SCRG1: variants seen among roughly 807,000 people sequenced by gnomAD.
SCRG1 encodes the protein scrapie-responsive protein 1.
In SCRG1, 3 loss-of-function variants were observed where a neutral mutation model predicts 7.7. The ratio of observed to expected loss-of-function variants is 0.39; its 90% CI spans 0.18 to 1.01. The LOEUF is 1.01. SCRG1 is among the 50% of genes least tolerant of loss of function. SCRG1 has a pLI of 0.36. For missense variants in SCRG1, 110 were observed against 117.2 expected, an observed-to-expected ratio of 0.94 and a Z score of 0.28; for synonymous variants, 46 against 41.2, an observed-to-expected ratio of 1.12 and a Z score of -0.44.
upstream of SCRG1, among the ~76,000 whole-genome samples, chr4:173,400,849 T>C (rs552524924): frequency 1.2e-4 from 18 of 152,282 alleles, no homozygotes; most frequent in African/African-American, 4.1e-4. Context: ...CATTATGCTG[T>C]ACTGCCCCTT....
At chr4:173,434,998 T>G in the SCRG1 span, among the ~76,000 whole-genome samples, 1 of 152,132 alleles carries the variant, frequency 6.6e-6, no homozygotes, top group Non-Finnish European at 1.5e-5. Flanking sequence ...ATTGGGATCC[T>G]AGGAATTGAT....
At chr4:173,427,700 C>T in the SCRG1 span, among the ~76,000 whole-genome samples, 3 of 152,170 alleles carry the variant, frequency 2.0e-5, no homozygotes, top group Non-Finnish European at 2.9e-5. Flanking sequence ...CTGGACAGCC[C>T]ACACCTCTAT....
the SCRG1 span, among the ~76,000 whole-genome samples, chr4:173,516,257 A>T: frequency 6.6e-6 from 1 of 152,244 alleles, no homozygotes; most frequent in South Asian, 2.1e-4. Context: ...GTAGCAGTTT[A>T]AAATTATTGT....
At chr4:173,489,423 C>T in the SCRG1 span, among the ~76,000 whole-genome samples, 1 of 152,134 alleles carries the variant, frequency 6.6e-6, no homozygotes, top group African/African-American at 2.4e-5. Flanking sequence ...GGAGAGCAAT[C>T]ATGTTCACAT....
the SCRG1 span, among the ~76,000 whole-genome samples, chr4:173,484,151 A>ATATATAATATATAT: frequency 1.5e-5 from 1 of 68,278 alleles, no homozygotes; most frequent in Non-Finnish European, 2.4e-5. Flanking sequence ...AGAATATAGA[A>ATATATAATATATAT]TATTTTCTAC....
intron 1 of SCRG1, among the ~76,000 whole-genome samples, chr4:173,396,141 G>A (rs1217239258): frequency 6.6e-6 from 1 of 152,190 alleles, no homozygotes; most frequent in Non-Finnish European, 1.5e-5. Flanking sequence ...CTTGAATGGT[G>A]TTGTCATTTG....
chr4:173,451,031 G>A, the SCRG1 span, among the ~76,000 whole-genome samples: 1 of 152,106 alleles, frequency 6.6e-6, no homozygotes, highest in Non-Finnish European at 1.5e-5. Context: ...TCTTTGGTTT[G>A]AGGTTATCCA....
At chr4:173,483,815 T>TATATATA in the SCRG1 span, among the ~76,000 whole-genome samples, 2 of 79,888 alleles carry the variant, frequency 2.5e-5, 1 homozygote, top group African/African-American at 1.1e-4. Context: ...TGATATGTAA[T>TATATATA]ATATATAATA....
chr4:173,442,949 C>T, the SCRG1 span, among the ~76,000 whole-genome samples: 2 of 152,124 alleles, frequency 1.3e-5, no homozygotes, highest in African/African-American at 2.4e-5. Flanking sequence ...TTAGAGGGGA[C>T]ATTCAAAGCA....
the SCRG1 span, among the ~76,000 whole-genome samples, chr4:173,484,350 T>TATATA: frequency 1.3e-5 from 1 of 78,414 alleles, no homozygotes; most frequent in Non-Finnish European, 2.2e-5. Context: ...TATTATATAA[T>TATATA]ATATAATATA....
chr4:173,430,583 G>C, the SCRG1 span, among the ~76,000 whole-genome samples: 1 of 152,226 alleles, frequency 6.6e-6, no homozygotes, highest in Admixed American at 6.5e-5. Flanking sequence ...GAGCCCAGGA[G>C]TTTGAGACCT....
At chr4:173,433,168 A>T in the SCRG1 span, among the ~76,000 whole-genome samples, 1 of 152,230 alleles carries the variant, frequency 6.6e-6, no homozygotes, top group Non-Finnish European at 1.5e-5. Context: ...TTTTTTTTAC[A>T]GCAGCATTTA....
the SCRG1 span, among the ~76,000 whole-genome samples, chr4:173,416,189 C>G: frequency 6.6e-6 from 1 of 152,222 alleles, no homozygotes; most frequent in Admixed American, 6.5e-5. Context: ...TCATCTCTTA[C>G]GATGACTTAT....
At chr4:173,473,898 G>A in the SCRG1 span, among the ~76,000 whole-genome samples, 11 of 152,198 alleles carry the variant, frequency 7.2e-5, no homozygotes, top group Non-Finnish European at 7.3e-5. Flanking sequence ...TGACTTCCTG[G>A]GCCGGACATG....
chr4:173,461,291 G>A, the SCRG1 span, among the ~76,000 whole-genome samples: 1 of 152,224 alleles, frequency 6.6e-6, no homozygotes, highest in African/African-American at 2.4e-5. Flanking sequence ...GCCTCATTAT[G>A]AGTTTAGTCA....
the SCRG1 span, among the ~76,000 whole-genome samples, chr4:173,518,288 G>C: frequency 7.2e-5 from 11 of 152,172 alleles, no homozygotes; most frequent in Admixed American, 6.5e-5. Context: ...CTGCTCCACG[G>C]GAGCCAGTCT....
At chr4:173,430,556 A>C in the SCRG1 span, among the ~76,000 whole-genome samples, 1 of 152,170 alleles carries the variant, frequency 6.6e-6, no homozygotes, top group Non-Finnish European at 1.5e-5. Context: ...TAGGAGGCCC[A>C]GGCAGGAGGA....
At chr4:173,483,611 A>T in the SCRG1 span, among the ~76,000 whole-genome samples, 2 of 68,610 alleles carry the variant, frequency 2.9e-5, no homozygotes, top group African/African-American at 1.1e-4. Context: ...TATATAATAT[A>T]TATGATATAT....
At chr4:173,446,026 C>G in the SCRG1 span, among the ~76,000 whole-genome samples, 3 of 151,844 alleles carry the variant, frequency 2.0e-5, no homozygotes, top group African/African-American at 7.3e-5. Context: ...TCATTCAGTC[C>G]CCCTCCCACT....
Sources: gnomAD v4.1 joint callset for allele counts (sites outside exome capture counted in the v4.1 genomes callset) on GRCh38, gnomAD v4.1.1 for gene constraint, MANE v1.5 for transcripts, NCBI Gene and HGNC (gene_info 2026-07-23, HGNC 2026-07-21) for gene names.